The following P2RY12 variants were observed in gnomAD, a reference collection of about 807,000 sequenced individuals.
P2RY12 encodes the protein P2Y purinoceptor 12.
P2RY12 carries 3 observed loss-of-function variants against 4.5 expected under a neutral mutation model. The ratio of observed to expected loss-of-function variants is 0.67; its 90% CI spans 0.31 to 1.74. The LOEUF is 1.74. P2RY12 is among the 40% of genes most tolerant of loss of function. P2RY12 has a pLI of 0.09. For missense variants in P2RY12, 356 were observed against 407.8 expected (o/e 0.87, Z 1.09); for synonymous variants, 148 against 154.1 (o/e 0.96, Z 0.29).
At chr3:151,343,235 A>G (rs563689256) in intron 1 of P2RY12, among the ~76,000 whole-genome samples, 1 of 152,324 alleles carries the variant, frequency 6.6e-6, no homozygotes, top group African/African-American at 2.4e-5. Flanking sequence ...AAATGAAACA[A>G]GGCTTATTCA....
chr3:151,377,357 T>C (rs1756970935), intron 1 of P2RY12, among the ~76,000 whole-genome samples: 2 of 152,216 alleles, frequency 1.3e-5, no homozygotes, highest in South Asian at 4.1e-4. Context: ...AGCTTCGGAA[T>C]ATTTGATTGA....
Position 151,368,649 on chromosome 3 carries a change from C to T in P2RY12, c.-180+16043G>A, listed in dbSNP as rs997658828. ...TATTTTATTTCATTTCATTTCATTT[C>T]ATTTCATTTCATTTCATTTCATTTC... On this transcript the variant is annotated intron_variant, in intron 1 of 2. Transcript: ENST00000302632. Among the ~76,000 whole-genome samples the T allele has an allele frequency of 3.8e-3, 246 of 64,708 alleles. 3 individuals carry two copies. The highest frequency in any genetic ancestry group is 0.017 in the African/African-American group (230 of 13,164). 42.5% of individuals were successfully genotyped at this position (64,708 alleles called of 152,430 possible).
In P2RY12 at chr3:151,337,714, T is replaced by G. The variant is rs557406631; in HGVS notation, c.*103A>C. On this transcript the variant is annotated 3_prime_UTR_variant, in exon 3 of 3. Coordinates refer to ENST00000302632, the MANE Select transcript of P2RY12 (RefSeq NM_022788.5). Reference sequence around the variant, plus strand: ...TCTTCTGTTTCTTTAGAGTCATTATTATTAACTTAGTTGCTTCTTCGTCAG... The same window carrying G: ...TCTTCTGTTTCTTTAGAGTCATTATGATTAACTTAGTTGCTTCTTCGTCAG... 2.3e-5 allele frequency: 26 copies of G among 1,151,642 alleles called. No homozygotes were observed. In the South Asian group the frequency reaches 3.4e-4, roughly 15 times the overall value. The allele number at this position is 1,151,642 out of a possible 1,614,324, so 71.3% of individuals were successfully genotyped here. A position where few individuals can be genotyped will look rare whatever the true frequency, so the allele number is the denominator to read the frequency against.
At chr3:151,381,450 A>G (rs1305028863) in intron 1 of P2RY12, among the ~76,000 whole-genome samples, 4 of 152,222 alleles carry the variant, frequency 2.6e-5, no homozygotes, top group African/African-American at 9.6e-5. Context: ...CCTACCAGTC[A>G]TGGCCCTCTT....
chr3:151,355,232 C>T lies in P2RY12; in HGVS notation c.-179-14472G>A, dbSNP rs1459584900. On this transcript the variant is annotated intron_variant, in intron 1 of 2. Coordinates refer to ENST00000302632, the MANE Select transcript of P2RY12 (RefSeq NM_022788.5). ...TCATATTTTGATCAACATCAAGTGA[C>T]ATCTCAGGTAGCTATTTAAAGCTGT... The T allele has an allele frequency of 2.7e-5, 43 of 1,607,142 alleles. No individual in the cohort carries two copies. The highest frequency in any genetic ancestry group is 3.7e-5 in the Non-Finnish European group (43 of 1,174,442).
chr3:151,363,981 G>A (rs913785450), intron 1 of P2RY12, among the ~76,000 whole-genome samples: 1 of 151,970 alleles, frequency 6.6e-6, no homozygotes, highest in Non-Finnish European at 1.5e-5. Flanking sequence ...TGCCATTGAT[G>A]CAAGTATATA....
chr3:151,370,237 G>C (rs1205962135), intron 1 of P2RY12, among the ~76,000 whole-genome samples: 1 of 152,114 alleles, frequency 6.6e-6, no homozygotes, highest in Admixed American at 6.5e-5. Context: ...TAAAGGCTTT[G>C]AATGATTAGG....
chr3:151,342,864 TAC>T (rs1439593028), intron 1 of P2RY12, among the ~76,000 whole-genome samples: 1 of 152,216 alleles, frequency 6.6e-6, no homozygotes, highest in Non-Finnish European at 1.5e-5. Context: ...TTTAATTTCT[TAC>T]ACTGTCATGG....
In P2RY12 at chr3:151,338,053, G is replaced by C. The variant is rs121917886; in HGVS notation, c.793C>G (p.Arg265Gly). ...ARIPYTLSQT[R>G]DVFDCTAENT... ...TCAGCAGTGCAGTCAAAGACATCCC[G>C]GGTTTGGCTCAGGGTGTAAGGAATT... The change falls in exon 3 of 3, where the codon CGG becomes GGG. Residue 265 changes from arginine to glycine, a missense_variant. Arg to Gly is a moderately radical substitution (Grantham distance 125). Transcript: ENST00000302632. The C allele has an allele frequency of 6.2e-7, 1 of 1,613,918 alleles. No homozygotes were observed. The highest frequency in any genetic ancestry group is 8.5e-7 in the Non-Finnish European group (1 of 1,179,980).
chr3:151,376,791 T>C, intron 1 of P2RY12: 1 of 1,612,060 alleles, frequency 6.2e-7, no homozygotes, highest in South Asian at 1.1e-5. Context: ...TTCTTTCCAT[T>C]TTTCCCAGAA....
rs907735941 is a variant in P2RY12, at chr3:151,366,113, T to C, written c.-180+18579A>G. 7 of 873,542 alleles carry C rather than the reference T, an allele frequency of 8.0e-6. No homozygotes were observed. In the African/African-American group the frequency reaches 1.2e-4, roughly 15 times the overall value. 54.1% of individuals were successfully genotyped at this position (873,542 alleles called of 1,614,324 possible). A position where few individuals can be genotyped will look rare whatever the true frequency, so the allele number is the denominator to read the frequency against. On this transcript the variant is annotated intron_variant, in intron 1 of 2. Transcript: ENST00000302632. ...CTGAAATGTTATAAAATATTTTTTC[T>C]TTCTCTGTCCAAAAGCAGTAAACCA... is the stretch of plus-strand genomic sequence containing the variant.
At chr3:151,364,966 C>T (rs1473296828) in intron 1 of P2RY12, 2 of 1,586,164 alleles carry the variant, frequency 1.3e-6, no homozygotes, top group African/African-American at 1.3e-5. Context: ...AACTTTTTTT[C>T]TTATAACCTC....
chr3:151,379,871 A>C (rs1560103104), intron 1 of P2RY12, among the ~76,000 whole-genome samples: 1 of 152,212 alleles, frequency 6.6e-6, no homozygotes, highest in South Asian at 2.1e-4. Flanking sequence ...GCTCACATGC[A>C]GTATGGTTTG....
chr3:151,361,022 G>A (rs1468128758), intron 1 of P2RY12, among the ~76,000 whole-genome samples: 1 of 151,946 alleles, frequency 6.6e-6, no homozygotes, highest in Non-Finnish European at 1.5e-5. Flanking sequence ...CTAATAGAAA[G>A]ATCAATGAGG....
intron 1 of P2RY12, among the ~76,000 whole-genome samples, chr3:151,351,055 A>G (rs149933601): frequency 6.6e-6 from 1 of 152,344 alleles, no homozygotes; most frequent in East Asian, 1.9e-4. Flanking sequence ...TGTAAACAAC[A>G]TTCTTCCTGC....
At chr3:151,381,515 T>C (rs988624610) in intron 1 of P2RY12, among the ~76,000 whole-genome samples, 1 of 152,192 alleles carries the variant, frequency 6.6e-6, no homozygotes, top group Non-Finnish European at 1.5e-5. Flanking sequence ...GCTGAGCAAA[T>C]TCTCATTTCA....
intron 1 of P2RY12, among the ~76,000 whole-genome samples, chr3:151,378,882 A>G (rs907654562): frequency 2.0e-5 from 3 of 152,068 alleles, no homozygotes; most frequent in South Asian, 2.1e-4. Flanking sequence ...CAGAATGGCA[A>G]CTCCTCTCTA....
At chr3:151,383,927 A>G (rs1280277689) in intron 1 of P2RY12, 1 of 1,556,890 alleles carries the variant, frequency 6.4e-7, no homozygotes, top group African/African-American at 1.4e-5. Context: ...TGCTACATGT[A>G]TGCATGGTAT....
At chr3:151,375,520 T>C (rs1466905509) in intron 1 of P2RY12, among the ~76,000 whole-genome samples, 1 of 152,160 alleles carries the variant, frequency 6.6e-6, no homozygotes, top group East Asian at 1.9e-4. Context: ...AAGAAAATTA[T>C]TGTATAAAAA....
Sources: gnomAD v4.1 joint callset for allele counts (sites outside exome capture counted in the v4.1 genomes callset) on GRCh38, gnomAD v4.1.1 for gene constraint, MANE v1.5 for transcripts, NCBI Gene and HGNC (gene_info 2026-07-23, HGNC 2026-07-21) for gene names.